BMP7: variants seen among roughly 807,000 people sequenced by gnomAD.
The protein encoded by BMP7 is osteogenic protein 1.
In BMP7, 12 loss-of-function variants were observed where a neutral mutation model predicts 41.2. The observed-to-expected ratio is 0.29, with a 90% CI of 0.19 to 0.47. The LOEUF (loss-of-function observed/expected upper bound fraction) is 0.47. Among genes scored for constraint, BMP7 ranks in the 20% least tolerant of loss-of-function variants. The pLI is 0.99. For synonymous variants in BMP7, 248 were observed against 250.0 expected (o/e 0.99, Z 0.07); for missense variants, 467 against 606.0 (o/e 0.77, Z 2.41).
intron 1 of BMP7, among the ~76,000 whole-genome samples, chr20:57,260,384 G>A (rs1434761963): frequency 2.0e-5 from 3 of 152,082 alleles, no homozygotes; most frequent in South Asian, 2.1e-4. Flanking sequence ...CAGACATCAC[G>A]GGTGTCTCCT....
At chr20:57,257,913 A>C (rs555996949) in intron 1 of BMP7, among the ~76,000 whole-genome samples, 1 of 151,220 alleles carries the variant, frequency 6.6e-6, no homozygotes. Flanking sequence ...GCCAACTGTC[A>C]TGCTAAGAGC....
intron 3 of BMP7, among the ~76,000 whole-genome samples, chr20:57,197,411 G>C (rs1600617723): frequency 6.6e-6 from 1 of 152,280 alleles, no homozygotes; most frequent in East Asian, 1.9e-4. Flanking sequence ...GGATGGCCAG[G>C]CTGGGTCCCC....
At chr20:57,248,338 CCACTGTG>C (rs1568729149) in intron 1 of BMP7, among the ~76,000 whole-genome samples, 3 of 152,230 alleles carry the variant, frequency 2.0e-5, no homozygotes, top group Non-Finnish European at 4.4e-5. Context: ...CCCCTGCCTC[CCACTGTG>C]CTGGCCAGAT....
chr20:57,193,047 G>A (rs762348828), intron 3 of BMP7, among the ~76,000 whole-genome samples: 2 of 152,130 alleles, frequency 1.3e-5, no homozygotes, highest in Non-Finnish European at 2.9e-5. Flanking sequence ...TGGCTTTGCT[G>A]GTTTCTTCAT....
At chr20:57,232,658 A>C (rs1262392128) in intron 1 of BMP7, among the ~76,000 whole-genome samples, 5 of 152,212 alleles carry the variant, frequency 3.3e-5, no homozygotes, top group Non-Finnish European at 7.3e-5. Context: ...TCAGGGATAA[A>C]GTGAGGAACT....
At chr20:57,253,415 AC>A (rs2066122005) in intron 1 of BMP7, among the ~76,000 whole-genome samples, 1 of 151,804 alleles carries the variant, frequency 6.6e-6, no homozygotes, top group South Asian at 2.1e-4. Context: ...CTCCCACCCT[AC>A]CCCCTCTTTC....
chr20:57,197,782 T>C (rs80166409), intron 3 of BMP7, among the ~76,000 whole-genome samples: 5,390 of 152,308 alleles, frequency 0.035, 337 homozygotes, highest in African/African-American at 0.12. Flanking sequence ...CGTGATGGTA[T>C]TATGTTCATG....
At chr20:57,239,938 G>A (rs537681603) in intron 1 of BMP7, among the ~76,000 whole-genome samples, 7 of 152,300 alleles carry the variant, frequency 4.6e-5, no homozygotes, top group African/African-American at 1.7e-4. Flanking sequence ...TTCCTCCTGG[G>A]CCTCCAGGCC....
intron 4 of BMP7, among the ~76,000 whole-genome samples, chr20:57,180,386 C>T (rs1202202585): frequency 6.6e-6 from 1 of 151,836 alleles, no homozygotes; most frequent in Non-Finnish European, 1.5e-5. Context: ...GCAGGTCCCA[C>T]AGCCCAGAGC....
In BMP7 at chr20:57,218,558, AGTAGTAGCTGGTGTTTG is replaced by A. The variant is rs1398549165; in HGVS notation, c.611+9654_611+9670del. On this transcript the variant is annotated intron_variant, in intron 2 of 6. Transcript: ENST00000395863. ...TGTTTGGTGGTAGCTGGTGTTTTGT[AGTAGTAGCTGGTGTTTG>A]GTAGTAGCTGGTGTTTGGTGGTAGC... 7.2e-5 allele frequency among the ~76,000 whole-genome samples: 9 copies of A among 124,880 alleles called. 1 individual carries two copies. Among genetic ancestry groups the A allele is most frequent in the Admixed American group, 1.7e-4 (2 of 11,632 alleles). The allele number at this position is 124,880 out of a possible 152,430, so 81.9% of individuals were successfully genotyped here.
At chr20:57,209,239 TTATATATTTTTATATA>T (rs1330630031) in intron 2 of BMP7, among the ~76,000 whole-genome samples, 27 of 63,500 alleles carry the variant, frequency 4.3e-4, no homozygotes, top group Admixed American at 1.4e-3. Flanking sequence ...ATACCTAGAT[TTATATATTTTTATATA>T]TATATATATA....
At chr20:57,263,457 C>G (rs1361320869) in intron 1 of BMP7, among the ~76,000 whole-genome samples, 3 of 152,330 alleles carry the variant, frequency 2.0e-5, no homozygotes, top group African/African-American at 7.2e-5. Flanking sequence ...TCCGAGCAAC[C>G]TGGTCTTTCT....
Position 57,228,441 on chromosome 20 carries a change from C to G in BMP7, c.419-20G>C, listed in dbSNP as rs548249663. 143 of 1,612,238 alleles carry G rather than the reference C, an allele frequency of 8.9e-5. 3 individuals carry two copies. The South Asian group carries it at 1.5e-3, about 16-fold the overall frequency. ...GTTCCACTGGAAGAGGAAGAGAACA[C>G]ACACCAACACCGACAGCTCATTAGT... On this transcript the variant is annotated intron_variant, in intron 1 of 6. Coordinates refer to ENST00000395863, the MANE Select transcript of BMP7 (RefSeq NM_001719.3). The surrounding 1 kb of genome is among the most constrained non-coding windows in gnomAD (Gnocchi z 4.5).
chr20:57,237,689 G>A (rs1297407855), intron 1 of BMP7, among the ~76,000 whole-genome samples: 1 of 152,206 alleles, frequency 6.6e-6, no homozygotes, highest in African/African-American at 2.4e-5. Flanking sequence ...CACAGCTCTT[G>A]GGAGAAGGGA....
intron 1 of BMP7, among the ~76,000 whole-genome samples, chr20:57,265,370 G>T (rs2066172188): frequency 6.6e-6 from 1 of 152,266 alleles, no homozygotes; most frequent in Non-Finnish European, 1.5e-5. Context: ...CGCGAGCCGC[G>T]CCGGCCCGGG....
At chr20:57,189,676 A>G (rs946636846) in intron 3 of BMP7, among the ~76,000 whole-genome samples, 1 of 152,238 alleles carries the variant, frequency 6.6e-6, no homozygotes, top group Non-Finnish European at 1.5e-5. Context: ...CCATCTGGAA[A>G]CACTGAGATA....
intron 1 of BMP7, among the ~76,000 whole-genome samples, chr20:57,231,777 C>T (rs564656744): frequency 6.6e-6 from 1 of 152,376 alleles, no homozygotes; most frequent in East Asian, 1.9e-4. Flanking sequence ...CAGTTCCCTG[C>T]TCCCAGTGCT....
chr20:57,176,558 C>A (rs1347723398), intron 4 of BMP7, among the ~76,000 whole-genome samples: 4 of 152,106 alleles, frequency 2.6e-5, no homozygotes, highest in Admixed American at 2.6e-4. Context: ...TGAGTCAAGA[C>A]CAGGTCTTGG....
rs528012771 is a variant in BMP7, at chr20:57,202,463, C to T, written c.760+12G>A. ...AGGCTGCATTAGGACTGGCAGTGGC[C>T]GGGGGACTCACCATCCAGCGTCTCC... On this transcript the variant is annotated intron_variant, in intron 3 of 6. Coordinates refer to ENST00000395863, the MANE Select transcript of BMP7 (RefSeq NM_001719.3). 6.2e-5 allele frequency: 100 copies of T among 1,602,334 alleles called. No individual in the cohort carries two copies. Among genetic ancestry groups the T allele is most frequent in the Admixed American group, 3.2e-4 (19 of 59,906 alleles).
Sources: gnomAD v4.1 joint callset for allele counts (sites outside exome capture counted in the v4.1 genomes callset) on GRCh38, gnomAD v4.1.1 for gene constraint, Gnocchi (gnomAD v3.1) non-coding constraint, MANE v1.5 for transcripts, NCBI Gene and HGNC (gene_info 2026-07-23, HGNC 2026-07-21) for gene names.